Variants in ZNF286A observed in about 807,000 individuals in gnomAD.
ZNF286A encodes the protein zinc finger protein 286A, also known as zinc finger protein ZNF286.
A neutral mutation model predicts 49.3 loss-of-function variants in ZNF286A; 34 were observed. The ratio of observed to expected loss-of-function variants is 0.69; its 90% CI spans 0.52 to 0.92. The LOEUF (loss-of-function observed/expected upper bound fraction) is 0.92. ZNF286A is among the 40% of genes least tolerant of loss of function. The probability of loss-of-function intolerance (pLI) is 0.00; values close to 1 mark genes in which losing one functional copy is unlikely to be tolerated. For synonymous variants in ZNF286A, 155 were observed against 200.4 expected (o/e 0.77, Z 1.91); for missense variants, 462 against 600.2 (o/e 0.77, Z 2.41).
intron 5 of ZNF286A, among the ~76,000 whole-genome samples, chr17:15,711,867 C>CT (rs1452437719): frequency 3.0e-5 from 3 of 100,726 alleles, no homozygotes; most frequent in East Asian, 6.5e-4. Flanking sequence ...TCTGCCCCCC[C>CT]CCCGGCTTTT....
intron 5 of ZNF286A, among the ~76,000 whole-genome samples, chr17:15,713,468 A>G (rs1157124259): frequency 2.0e-5 from 3 of 152,242 alleles, no homozygotes; most frequent in African/African-American, 7.2e-5. Flanking sequence ...AAAATCCAGC[A>G]TCACACAGAT....
chr17:15,702,120 C>CA (rs916890935), intron 3 of ZNF286A, among the ~76,000 whole-genome samples: 1,641 of 96,520 alleles, frequency 0.017, 18 homozygotes, highest in African/African-American at 0.031. Context: ...AACTCTGTCT[C>CA]AAAAAAAAAA....
intron 3 of ZNF286A, among the ~76,000 whole-genome samples, chr17:15,703,658 C>T (rs1217463658): frequency 1.3e-5 from 2 of 152,128 alleles, no homozygotes; most frequent in African/African-American, 4.8e-5. Flanking sequence ...CATCTACCTA[C>T]CAGTACCCAA....
chr17:15,709,890 A>C (rs776038935), intron 5 of ZNF286A: 1 of 1,542,554 alleles, frequency 6.5e-7, no homozygotes. Flanking sequence ...AACTGGAAGA[A>C]GAATTAGTAG....
intron 5 of ZNF286A, chr17:15,711,449 C>T (rs193219083): frequency 1.3e-5 from 2 of 152,204 alleles, no homozygotes; most frequent in Non-Finnish European, 2.9e-5. Context: ...TTTAATCTCC[C>T]TTCCTTTTGT....
intron 5 of ZNF286A, 38 bp downstream of exon 5, chr17:15,708,285 C>A: frequency 2.0e-6 from 3 of 1,492,780 alleles, no homozygotes; most frequent in Admixed American, 2.1e-5. Context: ...AAATGATAGC[C>A]CAGCAGGACA....
chr17:15,712,110 G>T (rs1990713632), intron 5 of ZNF286A, among the ~76,000 whole-genome samples: 1 of 152,178 alleles, frequency 6.6e-6, no homozygotes, highest in African/African-American at 2.4e-5. Flanking sequence ...CTGACCTCAT[G>T]ATCCGCCCTC....
At chr17:15,708,948 G>C (rs1567707824) in intron 5 of ZNF286A, among the ~76,000 whole-genome samples, 1 of 151,978 alleles carries the variant, frequency 6.6e-6, no homozygotes. Context: ...ATTTCTTCTG[G>C]ATATATACAT....
chr17:15,717,871 G>C lies in ZNF286A; in HGVS notation c.*581G>C, dbSNP rs1967149278. 1 of 152,972 alleles carries C rather than the reference G, an allele frequency of 6.5e-6. No individual in the cohort carries two copies. The highest frequency in any genetic ancestry group is 2.0e-4 in the South Asian group (1 of 4,900). 9.5% of individuals were successfully genotyped at this position (152,972 alleles called of 1,614,324 possible). On this transcript the variant is annotated 3_prime_UTR_variant, in exon 6 of 6. Transcript: ENST00000583566. Reference sequence around the variant, plus strand: ...TGTCTATGTTGATGACCATAACTGGGATGTATAATATTTACAGACAACTCT... The same window carrying C: ...TGTCTATGTTGATGACCATAACTGGCATGTATAATATTTACAGACAACTCT...
intron 5 of ZNF286A, among the ~76,000 whole-genome samples, chr17:15,709,250 G>A (rs1990466900): frequency 6.8e-6 from 1 of 146,480 alleles, no homozygotes; most frequent in African/African-American, 2.6e-5. Context: ...AGCACTTCGG[G>A]AGGCCAAGGT....
chr17:15,711,794 T>G (rs16941193), intron 5 of ZNF286A, among the ~76,000 whole-genome samples: 49,151 of 150,024 alleles, frequency 0.33, 8,415 homozygotes, highest in East Asian at 0.47. Context: ...AAATGGTGGT[T>G]GTTGTTCAGT....
intron 1 of ZNF286A, 117 bp from the exon 2 acceptor site, chr17:15,700,018 C>T (rs1989647806): frequency 1.7e-6 from 1 of 598,564 alleles, no homozygotes; most frequent in Non-Finnish European, 3.0e-6. Flanking sequence ...TTTGTCCAAA[C>T]TCCTGATGCC....
rs900475142 is a variant in ZNF286A at position 15,705,014 on chromosome 17, C to T, written c.127-1373C>T. ...TGCGGCCCTGGAGAGGCCCCGGCGG[C>T]CCCGCTCCGCTCCCCGCTGCCTCTG... On this transcript the variant is annotated intron_variant, in intron 3 of 5. Transcript: ENST00000583566. 10 of 657,816 alleles carry T rather than the reference C, an allele frequency of 1.5e-5. No homozygotes were observed. In the African/African-American group the frequency reaches 2.0e-4, roughly 13 times the overall value. 40.7% of individuals were successfully genotyped at this position (657,816 alleles called of 1,614,324 possible).
intron 3 of ZNF286A, among the ~76,000 whole-genome samples, chr17:15,706,064 C>G (rs553447036): frequency 6.6e-6 from 1 of 152,218 alleles, no homozygotes; most frequent in South Asian, 2.1e-4. Flanking sequence ...TGATATTTTA[C>G]TTTAATCAAA....
At position 15,706,397 on chromosome 17, in the gene ZNF286A, C is replaced by T. The variant is rs1430362462; in HGVS notation, c.137C>T (p.Thr46Ile). 6.2e-7 allele frequency: 1 copy of T among 1,613,340 alleles called. No individual in the cohort carries two copies. Among genetic ancestry groups the T allele is most frequent in the South Asian group, 1.1e-5 (1 of 91,070 alleles). ...TATTTTATGTTTTAGGAAACAGTGACATTCAAGGATGTGGCCATGGACTTT... is the reference window on the plus strand; with the variant it reads ...TATTTTATGTTTTAGGAAACAGTGATATTCAAGGATGTGGCCATGGACTTT... ...RLTARSQETV[T>I]FKDVAMDFTP... Residue 46 changes from threonine to isoleucine, a missense_variant, in exon 4 of 6, where the codon ACA becomes ATA. Thr to Ile is a moderately conservative substitution (Grantham distance 89). This residue lies in a region of ZNF286A where 259 missense variants were observed against 272.2 expected (regional missense o/e 0.95). Transcript: ENST00000583566.
chr17:15,709,808 T>C (rs1990518195), intron 5 of ZNF286A: 12 of 1,541,468 alleles, frequency 7.8e-6, no homozygotes, highest in Non-Finnish European at 1.0e-5. Context: ...TTATTTTTTT[T>C]CTGTTAGCAG....
intron 4 of ZNF286A, 115 bp downstream of exon 4, chr17:15,706,616 T>TAACA: frequency 5.7e-6 from 4 of 698,700 alleles, no homozygotes; most frequent in Non-Finnish European, 9.1e-6. Flanking sequence ...AAGTGTTAAT[T>TAACA]CTTTTTGGCC....
intron 3 of ZNF286A, chr17:15,704,628 A>T: frequency 1.2e-6 from 2 of 1,613,960 alleles, no homozygotes; most frequent in South Asian, 1.1e-5. Context: ...AGATCTCGCC[A>T]TTGGCGCCCA....
In ZNF286A at chr17:15,717,554, A is replaced by G; in HGVS notation, c.*264A>G. On this transcript the variant is annotated 3_prime_UTR_variant, in exon 6 of 6. Transcript: ENST00000583566. ...TCTGTGGAAATTCAAGAAGTCCCTG[A>G]GAGTAGGTAGCAGTACGAACATTGT... 1.9e-6 allele frequency: 1 copy of G among 539,850 alleles called. No individual in the cohort carries two copies. The highest frequency in any genetic ancestry group is 3.1e-6 in the Non-Finnish European group (1 of 326,734). The allele number at this position is 539,850 out of a possible 1,614,324, so 33.4% of individuals were successfully genotyped here. A position where few individuals can be genotyped will look rare whatever the true frequency, so the allele number is the denominator to read the frequency against.
Sources: allele counts gnomAD v4.1 joint callset (sites outside exome capture counted in the v4.1 genomes callset), GRCh38; gene constraint gnomAD v4.1.1; regional missense constraint gnomAD v4.1.1; transcripts MANE v1.5; gene names NCBI Gene and HGNC (gene_info 2026-07-23, HGNC 2026-07-21).